The following MCF2L2 variants were observed in gnomAD, a reference collection of about 807,000 sequenced individuals.
MCF2L2 encodes MCF.2 cell line derived transforming sequence-like 2.
Under a neutral mutation model 150.2 loss-of-function variants are expected in MCF2L2, and 102 were observed. That is an observed-to-expected ratio of 0.68 (90% CI 0.58 to 0.80). The LOEUF (loss-of-function observed/expected upper bound fraction) is 0.80, where lower values mean the gene tolerates loss of function less well. Among genes scored for constraint, MCF2L2 ranks in the 30% least tolerant of loss-of-function variants. The pLI is 0.00. For synonymous variants in MCF2L2, 465 were observed against 491.3 expected (o/e 0.95, Z 0.71); for missense variants, 1,256 against 1,372.8 (o/e 0.91, Z 1.34).
At chr3:183,325,066 ATG>A (rs1430908337) in intron 5 of MCF2L2, among the ~76,000 whole-genome samples, 3 of 135,246 alleles carry the variant, frequency 2.2e-5, no homozygotes, top group Non-Finnish European at 3.1e-5. Context: ...GAATTGAACA[ATG>A]AGAACACATG....
chr3:183,206,306 A>G (rs1401951250), intron 23 of MCF2L2, 92 bp from the exon 24 acceptor site: 16 of 941,988 alleles, frequency 1.7e-5, no homozygotes, highest in Admixed American at 1.1e-4. Context: ...TCTATCCTTG[A>G]CAGCTCTCTT....
intron 3 of MCF2L2, among the ~76,000 whole-genome samples, chr3:183,342,272 T>C (rs1730730439): frequency 1.3e-5 from 2 of 152,110 alleles, no homozygotes; most frequent in Admixed American, 1.3e-4. Flanking sequence ...TTTCTCTCCT[T>C]TGGGAAGAAG....
At chr3:183,354,475 G>A (rs984094039) in intron 3 of MCF2L2, among the ~76,000 whole-genome samples, 1 of 151,842 alleles carries the variant, frequency 6.6e-6, no homozygotes, top group African/African-American at 2.4e-5. Context: ...TCCACAACCT[G>A]CACCCTCCCA....
At chr3:183,414,147 T>C (rs1204984440) in intron 1 of MCF2L2, among the ~76,000 whole-genome samples, 6 of 152,228 alleles carry the variant, frequency 3.9e-5, no homozygotes, top group Non-Finnish European at 8.8e-5. Context: ...TTGTGAACAA[T>C]TGGTACGAAT....
chr3:183,314,442 A>G (rs1408221152), intron 7 of MCF2L2, among the ~76,000 whole-genome samples: 1 of 152,200 alleles, frequency 6.6e-6, no homozygotes, highest in African/African-American at 2.4e-5. Flanking sequence ...TATTTTGAAC[A>G]AAATAGTAAC....
intron 1 of MCF2L2, among the ~76,000 whole-genome samples, chr3:183,407,210 T>C (rs765353936): frequency 2.4e-4 from 36 of 152,238 alleles, no homozygotes; most frequent in Non-Finnish European, 4.7e-4. Flanking sequence ...TCTGCTCCAT[T>C]GATCTATATG....
At position 183,309,772 on chromosome 3, in the gene MCF2L2, C is replaced by T. The variant is rs774137199; in HGVS notation, c.1057G>A (p.Val353Met). ...TTAAGAATCTGCTCCACGTGCATCA[C>T]GCTGTCTCCAATGCCTGTAAACTCT... Reference protein sequence around the residue: ...QAEFTGIGDSVMHVEQILKEH... With the variant: ...QAEFTGIGDSMMHVEQILKEH... The change falls in exon 10 of 30, where the codon GTG becomes ATG. Residue 353 changes from valine (V) to methionine (M), a missense_variant. Physicochemically the swap from Val to Met is conservative, Grantham distance 21. Coordinates refer to ENST00000328913, the MANE Select transcript of MCF2L2 (RefSeq NM_015078.4). 15 of 1,613,852 alleles carry T rather than the reference C, an allele frequency of 9.3e-6. No individual in the cohort carries two copies. Among genetic ancestry groups the T allele is most frequent in the Middle Eastern group, 1.6e-4 (1 of 6,082 alleles).
intron 15 of MCF2L2, among the ~76,000 whole-genome samples, chr3:183,244,996 G>C (rs1022220620): frequency 1.3e-5 from 2 of 152,100 alleles, no homozygotes; most frequent in African/African-American, 4.8e-5. Flanking sequence ...CTACCTCTAG[G>C]ATACAGGGTA....
chr3:183,292,232 AT>A (rs1487751276), intron 13 of MCF2L2, among the ~76,000 whole-genome samples: 4 of 152,152 alleles, frequency 2.6e-5, no homozygotes, highest in Admixed American at 2.6e-4. Context: ...ACACCCCACA[AT>A]TTTCATATAA....
intron 1 of MCF2L2, among the ~76,000 whole-genome samples, chr3:183,397,753 T>C (rs547422113): frequency 5.1e-4 from 77 of 152,334 alleles, no homozygotes; most frequent in African/African-American, 1.7e-3. Flanking sequence ...ATATGCAGCA[T>C]TTTAGCCAAG....
intron 23 of MCF2L2, 23 bp downstream of exon 23, chr3:183,207,585 A>G (rs1453554667): frequency 3.2e-6 from 5 of 1,551,820 alleles, no homozygotes; most frequent in Non-Finnish European, 4.4e-6. Context: ...GGCGACTCCC[A>G]GATGCAATAG....
intron 3 of MCF2L2, among the ~76,000 whole-genome samples, chr3:183,369,972 C>T (rs1369695060): frequency 1.3e-5 from 2 of 152,216 alleles, no homozygotes; most frequent in Admixed American, 1.3e-4. Flanking sequence ...CTCAATTCTT[C>T]ACTGTAACAA....
rs1722900626 is a variant in MCF2L2 at position 183,216,106 on chromosome 3, A to G, written c.2371-12T>C. On this transcript the variant is annotated splice_polypyrimidine_tract_variant and intron_variant, in intron 21 of 29. Coordinates refer to ENST00000328913, the MANE Select transcript of MCF2L2 (RefSeq NM_015078.4). ...CTCTTTGGCCCATCCTGTGGAAAACAAATGCCTTGTTGGAAATCAAAAGTA... is the reference window on the plus strand; with the variant it reads ...CTCTTTGGCCCATCCTGTGGAAAACGAATGCCTTGTTGGAAATCAAAAGTA... 1.2e-6 allele frequency: 2 copies of G among 1,611,724 alleles called. No individual in the cohort carries two copies. Among genetic ancestry groups the G allele is most frequent in the Non-Finnish European group, 1.7e-6 (2 of 1,178,878 alleles).
intron 18 of MCF2L2, chr3:183,228,050 G>T: frequency 7.1e-5 from 8 of 113,174 alleles, no homozygotes; most frequent in East Asian, 2.0e-4. Context: ...CACACACAAT[G>T]GTAATGAATG....
intron 3 of MCF2L2, among the ~76,000 whole-genome samples, chr3:183,351,325 C>T (rs2108553557): frequency 6.7e-6 from 1 of 149,512 alleles, no homozygotes; most frequent in East Asian, 2.0e-4. Context: ...GCTGGGACTA[C>T]AGGTCATATC....
intron 15 of MCF2L2, among the ~76,000 whole-genome samples, chr3:183,242,148 C>T (rs568349620): frequency 1.3e-5 from 2 of 152,198 alleles, no homozygotes; most frequent in Non-Finnish European, 2.9e-5. Flanking sequence ...AGATATGGTT[C>T]GGAATTGGAA....
intron 4 of MCF2L2, among the ~76,000 whole-genome samples, chr3:183,339,416 C>A (rs141085247): frequency 9.9e-5 from 15 of 152,048 alleles, no homozygotes; most frequent in Non-Finnish European, 2.1e-4. Context: ...TTATTTTTTA[C>A]GGGTGTACAA....
chr3:183,360,524 G>T (rs967590726), intron 3 of MCF2L2, among the ~76,000 whole-genome samples: 1 of 152,050 alleles, frequency 6.6e-6, no homozygotes, highest in African/African-American at 2.4e-5. Context: ...CTATGATCAT[G>T]CATGCAACTG....
chr3:183,276,905 T>C lies in MCF2L2; in HGVS notation c.1829A>G (p.Gln610Arg). The C allele has an allele frequency of 6.2e-7, 1 of 1,611,534 alleles. No individual in the cohort carries two copies. The highest frequency in any genetic ancestry group is 8.5e-7 in the Non-Finnish European group (1 of 1,178,766). The change falls in exon 15 of 30, where the codon CAG becomes CGG. Residue 610 changes from glutamine (Q) to arginine (R), a missense_variant. By Grantham distance (43) the Gln-to-Arg change is conservative (BLOSUM62 1). Transcript: ENST00000328913. Reference protein sequence around the residue: ...HHERGNPELEQQARLGDLSPR... With the variant: ...HHERGNPELERQARLGDLSPR... The stretch of plus-strand genomic sequence containing the variant: ...GGAAAGGTCTCCGAGCCTGGCCTGC[T>C]GCTCCAGCTCAGGGTTCCCCCTTTC...
Sources: gnomAD v4.1 joint callset for allele counts (sites outside exome capture counted in the v4.1 genomes callset) on GRCh38, gnomAD v4.1.1 for gene constraint, MANE v1.5 for transcripts, NCBI Gene and HGNC (gene_info 2026-07-23, HGNC 2026-07-21) for gene names.